CDKAL1: variants seen among roughly 807,000 people sequenced by gnomAD.
CDKAL1 encodes the protein threonylcarbamoyladenosine tRNA methylthiotransferase.
Under a neutral mutation model 68.2 loss-of-function variants are expected in CDKAL1, and 32 were observed. The observed-to-expected ratio is 0.47, with a 90% CI of 0.35 to 0.63. CDKAL1 has a LOEUF of 0.63. Ranked by LOEUF, CDKAL1 falls within the 30% of genes least tolerant of loss-of-function variation. The pLI is 0.00. For missense variants in CDKAL1, 606 were observed against 696.7 expected (o/e 0.87, Z 1.47); for synonymous variants, 234 against 244.3 (o/e 0.96, Z 0.39).
chr6:20,748,287 G>A (rs1235122768), intron 6 of CDKAL1, among the ~76,000 whole-genome samples: 2 of 152,056 alleles, frequency 1.3e-5, no homozygotes, highest in African/African-American at 4.8e-5. Flanking sequence ...CCGAGAATTT[G>A]AGATCAGCCT....
chr6:20,644,626 G>A (rs527315851), intron 4 of CDKAL1, among the ~76,000 whole-genome samples: 2 of 152,278 alleles, frequency 1.3e-5, no homozygotes, highest in East Asian at 1.9e-4. Flanking sequence ...CTTGCAGTGA[G>A]CCGAGATCTC....
At chr6:20,883,737 G>C (rs112549840) in intron 9 of CDKAL1, among the ~76,000 whole-genome samples, 1 of 152,050 alleles carries the variant, frequency 6.6e-6, no homozygotes, top group East Asian at 1.9e-4. Flanking sequence ...CTAGGTGGTA[G>C]GTATATGGAG....
intron 8 of CDKAL1, among the ~76,000 whole-genome samples, chr6:20,794,400 A>G (rs952331097): frequency 6.6e-6 from 1 of 152,132 alleles, no homozygotes; most frequent in African/African-American, 2.4e-5. Context: ...CTATTTGTTT[A>G]TGTGCTACAC....
chr6:20,751,353 G>A (rs1413353605), intron 6 of CDKAL1, among the ~76,000 whole-genome samples: 1 of 152,092 alleles, frequency 6.6e-6, no homozygotes, highest in Non-Finnish European at 1.5e-5. Context: ...ATTCCCTAAA[G>A]CTGCACTTTT....
At chr6:20,537,182 C>T (rs1035339373) in intron 2 of CDKAL1, among the ~76,000 whole-genome samples, 1 of 152,080 alleles carries the variant, frequency 6.6e-6, no homozygotes, top group African/African-American at 2.4e-5. Context: ...AGATTGAGAA[C>T]CATTACTGTG....
At chr6:21,166,663 A>G (rs940970798) in intron 13 of CDKAL1, among the ~76,000 whole-genome samples, 2 of 152,240 alleles carry the variant, frequency 1.3e-5, no homozygotes, top group African/African-American at 2.4e-5. Flanking sequence ...TTAGCTTTCA[A>G]TAGACTAATC....
chr6:20,838,974 C>CAAAAAA (rs773185500), intron 8 of CDKAL1, among the ~76,000 whole-genome samples: 1 of 99,522 alleles, frequency 1.0e-5, no homozygotes, highest in African/African-American at 3.8e-5. Context: ...GACTCCATCT[C>CAAAAAA]AAAAAAAAAA....
At chr6:21,191,985 CATTTTTCTTTTTT>C in intron 13 of CDKAL1, among the ~76,000 whole-genome samples, 2 of 21,464 alleles carry the variant, frequency 9.3e-5, no homozygotes, top group African/African-American at 3.5e-4. Context: ...TTTTATAATT[CATTTTTCTTTTTT>C]TTTTTTTTTT....
intron 13 of CDKAL1, among the ~76,000 whole-genome samples, chr6:21,121,281 A>G (rs1346312860): frequency 6.6e-6 from 1 of 152,220 alleles, no homozygotes; most frequent in African/African-American, 2.4e-5. Context: ...TCCACGTTTT[A>G]GAATTTCTGA....
rs114969248 is a variant in CDKAL1 at position 21,224,266 on chromosome 6, A to G, written c.1549-6582A>G. ...ATTCTGGGTTATCTAAGTGGGTTCA[A>G]TGTAAATCACAAAGGTCCTGATAAA... On this transcript the variant is annotated intron_variant, in intron 15 of 15. Coordinates refer to ENST00000274695, the MANE Select transcript of CDKAL1 (RefSeq NM_017774.3). Among the ~76,000 whole-genome samples the G allele has an allele frequency of 9.4e-3, 1,438 of 152,322 alleles. 28 individuals are homozygous for G. Among genetic ancestry groups the G allele is most frequent in the African/African-American group, 0.032 (1,347 of 41,558 alleles).
At chr6:20,965,167 C>T (rs929013048) in intron 10 of CDKAL1, among the ~76,000 whole-genome samples, 1 of 152,040 alleles carries the variant, frequency 6.6e-6, no homozygotes, top group African/African-American at 2.4e-5. Context: ...TTACAATTAG[C>T]TTGGTATGGT....
intron 4 of CDKAL1, among the ~76,000 whole-genome samples, chr6:20,614,936 C>G (rs901223061): frequency 3.3e-5 from 4 of 122,810 alleles, no homozygotes; most frequent in African/African-American, 6.1e-5. Flanking sequence ...CCCCTCCCCC[C>G]ACCCCACCAC....
At chr6:20,731,314 A>G (rs188400511) in intron 5 of CDKAL1, among the ~76,000 whole-genome samples, 1 of 152,312 alleles carries the variant, frequency 6.6e-6, no homozygotes, top group African/African-American at 2.4e-5. Context: ...ATGAAGATGG[A>G]AGGCAGCAGG....
intron 7 of CDKAL1, among the ~76,000 whole-genome samples, chr6:20,765,874 C>A (rs1355500186): frequency 6.6e-6 from 1 of 152,138 alleles, no homozygotes; most frequent in Admixed American, 6.5e-5. Context: ...TTTAGCTACA[C>A]ACATACAGAG....
intron 5 of CDKAL1, among the ~76,000 whole-genome samples, chr6:20,659,540 C>T (rs892253257): frequency 6.6e-6 from 1 of 152,206 alleles, no homozygotes; most frequent in Non-Finnish European, 1.5e-5. Flanking sequence ...TGTCTCCCAA[C>T]AGTGCTATGC....
At chr6:20,845,938 T>G in intron 8 of CDKAL1, 137 bp from the exon 9 acceptor site, 1 of 519,436 alleles carries the variant, frequency 1.9e-6, no homozygotes, top group South Asian at 3.4e-5. Flanking sequence ...TGGTAGATAC[T>G]TGGTTTTTGA....
At chr6:20,733,027 T>C (rs1043904419) in intron 5 of CDKAL1, among the ~76,000 whole-genome samples, 6 of 152,212 alleles carry the variant, frequency 3.9e-5, no homozygotes, top group South Asian at 2.1e-4. Flanking sequence ...GGTGGCACTG[T>C]AGGCTGGGGA....
intron 6 of CDKAL1, among the ~76,000 whole-genome samples, chr6:20,741,361 G>T (rs1424526000): frequency 1.3e-5 from 2 of 151,902 alleles, no homozygotes; most frequent in African/African-American, 4.8e-5. Context: ...TACATGTGCA[G>T]GTTTGTTATA....
rs1198165655 is a variant in CDKAL1, at chr6:21,049,717, G to A, written c.1056-15331G>A. On this transcript the variant is annotated intron_variant, in intron 11 of 15. Transcript: ENST00000274695. ...AGCAGTGATGATTCATTTGATGTGT[G>A]CTTGAAGCCAAATGATATATTCTGG... Among the ~76,000 whole-genome samples, 4 of 152,084 alleles carry A rather than the reference G, an allele frequency of 2.6e-5. No individual in the cohort carries two copies. The East Asian group carries it at 7.7e-4, about 29-fold the overall frequency.
Sources: allele counts gnomAD v4.1 joint callset (sites outside exome capture counted in the v4.1 genomes callset), GRCh38; gene constraint gnomAD v4.1.1; transcripts MANE v1.5; gene names NCBI Gene and HGNC (gene_info 2026-07-23, HGNC 2026-07-21).